The following GSG1L variants were observed in gnomAD, a reference collection of about 807,000 sequenced individuals.
GSG1L encodes the protein GSG1 like.
In GSG1L, 24 loss-of-function variants were observed where a neutral mutation model predicts 42.1. The observed-to-expected ratio is 0.57, with a 90% CI of 0.41 to 0.80. GSG1L has a LOEUF of 0.80. GSG1L is among the 30% of genes least tolerant of loss of function. GSG1L has a pLI of 0.00. For synonymous variants in GSG1L, 215 were observed against 203.5 expected, an observed-to-expected ratio of 1.06 and a Z score of -0.48; for missense variants, 445 against 472.2, an observed-to-expected ratio of 0.94 and a Z score of 0.53.
Position 28,063,519 on chromosome 16 carries a change from C to T in GSG1L, c.-95G>A. 2 of 752,028 alleles carry T rather than the reference C, an allele frequency of 2.7e-6. No homozygotes were observed. Among genetic ancestry groups the T allele is most frequent in the Non-Finnish European group, 3.4e-6 (2 of 593,548 alleles). The allele number at this position is 752,028 out of a possible 1,614,324, so 46.6% of individuals were successfully genotyped here. ...CCGCGTCAGCGGCCGCTGCCCGCCG[C>T]GCCCCGGGGCTCGGGTGCCTGAGAT... On this transcript the variant is annotated 5_prime_UTR_variant, in exon 1 of 7. Transcript: ENST00000447459. This position sits in a 1 kb window ranked among gnomAD's most constrained non-coding sequence, Gnocchi z 5.8.
At chr16:27,859,962 G>A (rs911539147) in intron 3 of GSG1L, among the ~76,000 whole-genome samples, 18 of 152,206 alleles carry the variant, frequency 1.2e-4, no homozygotes, top group South Asian at 1.0e-3. Flanking sequence ...TATTACAGAC[G>A]TGAGCTGCCA....
chr16:27,848,250 C>T (rs947499330), intron 3 of GSG1L, among the ~76,000 whole-genome samples: 2 of 152,198 alleles, frequency 1.3e-5, no homozygotes, highest in African/African-American at 4.8e-5. Flanking sequence ...CTGTTTGGCT[C>T]TCCCCTGAAT....
At position 27,845,933 on chromosome 16, in the gene GSG1L, C is replaced by T. The variant is rs1596551595; in HGVS notation, c.551-872G>A. Among the ~76,000 whole-genome samples, 5 of 151,232 alleles carry T rather than the reference C, an allele frequency of 3.3e-5. No individual in the cohort carries two copies. In the East Asian group the frequency reaches 7.8e-4, roughly 23 times the overall value. ...CTTTTTTTTTTTTGAGAAAGAGTCT[C>T]GCTCTGTCACCCACGCTGGAGTGCA... On this transcript the variant is annotated intron_variant, in intron 3 of 6. Coordinates refer to ENST00000447459, the MANE Select transcript of GSG1L (RefSeq NM_001109763.2).
At chr16:28,054,878 A>G (rs1220816241) in intron 1 of GSG1L, among the ~76,000 whole-genome samples, 1 of 152,096 alleles carries the variant, frequency 6.6e-6, no homozygotes, top group Non-Finnish European at 1.5e-5. Flanking sequence ...TGTCATATAA[A>G]AACTGGGAGT....
rs1362499596 is a variant in GSG1L, at chr16:28,036,931, CAT to C, written c.349+26143_349+26144del. Among the ~76,000 whole-genome samples the C allele has an allele frequency of 2.0e-5, 3 of 152,356 alleles. No individual in the cohort carries two copies. In the East Asian group the frequency reaches 5.8e-4, roughly 29 times the overall value. ...CTGTAGCCGGAAACTACGTTTCCCA[CAT>C]GTGTGACAGTCACATGCCTGGTTTG... On this transcript the variant is annotated intron_variant, in intron 1 of 6. Coordinates refer to ENST00000447459, the MANE Select transcript of GSG1L (RefSeq NM_001109763.2).
chr16:27,881,867 C>T (rs1453209272), intron 3 of GSG1L, among the ~76,000 whole-genome samples: 2 of 152,100 alleles, frequency 1.3e-5, no homozygotes, highest in Non-Finnish European at 2.9e-5. Flanking sequence ...GCACGGTGGA[C>T]CTGTCCCTGC....
At chr16:28,005,883 G>A (rs2085631722) in intron 1 of GSG1L, among the ~76,000 whole-genome samples, 1 of 152,230 alleles carries the variant, frequency 6.6e-6, no homozygotes, top group South Asian at 2.1e-4. Context: ...TTTGGAAGCT[G>A]TAAATATGTT....
At chr16:27,899,329 G>A (rs1171271063) in intron 2 of GSG1L, among the ~76,000 whole-genome samples, 1 of 152,214 alleles carries the variant, frequency 6.6e-6, no homozygotes, top group African/African-American at 2.4e-5. Flanking sequence ...CTGTGCTAGG[G>A]ACTTTCTGTG....
intron 2 of GSG1L, among the ~76,000 whole-genome samples, chr16:27,931,433 C>T (rs2084656710): frequency 6.6e-6 from 1 of 152,158 alleles, no homozygotes; most frequent in South Asian, 2.1e-4. Context: ...GAAGTTGTTT[C>T]TAGGAGCAAA....
chr16:27,799,272 G>T (rs771439638), intron 6 of GSG1L, among the ~76,000 whole-genome samples: 1 of 149,768 alleles, frequency 6.7e-6, no homozygotes, highest in Admixed American at 6.7e-5. Context: ...GGCGGCTCAC[G>T]CCTGTAATCT....
intron 3 of GSG1L, among the ~76,000 whole-genome samples, chr16:27,859,415 G>A (rs927292386): frequency 2.0e-5 from 3 of 152,250 alleles, no homozygotes; most frequent in East Asian, 1.9e-4. Context: ...TCGGCACCAT[G>A]CCCTAGTCCA....
At chr16:27,860,967 C>T (rs1180255995) in intron 3 of GSG1L, among the ~76,000 whole-genome samples, 1 of 152,222 alleles carries the variant, frequency 6.6e-6, no homozygotes, top group Non-Finnish European at 1.5e-5. Context: ...AATAGGCACT[C>T]TCTCCTGGGC....
chr16:28,036,584 C>T (rs205445), intron 1 of GSG1L, among the ~76,000 whole-genome samples: 2 of 152,178 alleles, frequency 1.3e-5, no homozygotes, highest in Non-Finnish European at 2.9e-5. Context: ...TCTGTCCCCC[C>T]CTTCACCAGG....
At chr16:28,021,883 G>A (rs1202941370) in intron 1 of GSG1L, among the ~76,000 whole-genome samples, 1 of 152,174 alleles carries the variant, frequency 6.6e-6, no homozygotes, top group African/African-American at 2.4e-5. Context: ...CTCTCCCCAT[G>A]GGCCTCGACA....
At chr16:27,999,353 G>A (rs1252940771) in intron 1 of GSG1L, among the ~76,000 whole-genome samples, 2 of 152,144 alleles carry the variant, frequency 1.3e-5, no homozygotes, top group Non-Finnish European at 2.9e-5. Context: ...TGAGGCACCA[G>A]AATCACTTGA....
chr16:28,018,373 GT>G (rs1480305017), intron 1 of GSG1L, among the ~76,000 whole-genome samples: 1 of 152,226 alleles, frequency 6.6e-6, no homozygotes, highest in Non-Finnish European at 1.5e-5. Flanking sequence ...GATGGCTGCG[GT>G]AGCTCCAGAC....
chr16:27,904,575 G>A (rs1412920688), intron 2 of GSG1L, among the ~76,000 whole-genome samples: 1 of 151,954 alleles, frequency 6.6e-6, no homozygotes, highest in East Asian at 1.9e-4. Context: ...TGTTCCAATG[G>A]TTTCCCATCA....
chr16:28,041,037 G>T (rs1171303606), intron 1 of GSG1L, among the ~76,000 whole-genome samples: 1 of 152,212 alleles, frequency 6.6e-6, no homozygotes, highest in Non-Finnish European at 1.5e-5. Context: ...TGGGTAAAAT[G>T]AAGCACTGTT....
intron 1 of GSG1L, among the ~76,000 whole-genome samples, chr16:27,995,388 G>T (rs981464883): frequency 1.3e-5 from 2 of 152,008 alleles, no homozygotes; most frequent in African/African-American, 4.8e-5. Flanking sequence ...GGTGGGTAAA[G>T]AATCTATGTA....
Sources: gnomAD v4.1 joint callset for allele counts (sites outside exome capture counted in the v4.1 genomes callset) on GRCh38, gnomAD v4.1.1 for gene constraint, Gnocchi (gnomAD v3.1) non-coding constraint, MANE v1.5 for transcripts, NCBI Gene and HGNC (gene_info 2026-07-23, HGNC 2026-07-21) for gene names.